Variants in LCOR observed in about 807,000 individuals in gnomAD.
The protein encoded by LCOR is ligand-dependent corepressor.
A neutral mutation model predicts 64.4 loss-of-function variants in LCOR; 14 were observed. The ratio of observed to expected loss-of-function variants is 0.22; its 90% CI spans 0.14 to 0.34. LCOR has a LOEUF of 0.34. Ranked by LOEUF, LCOR falls within the 10% of genes least tolerant of loss-of-function variation. The pLI is 1.00. For synonymous variants in LCOR, 643 were observed against 642.5 expected (o/e 1.00, Z -0.01); for missense variants, 1,686 against 1,765.3 (o/e 0.96, Z 0.80).
intron 2 of LCOR, among the ~76,000 whole-genome samples, chr10:96,900,738 C>T (rs145856008): frequency 4.1e-5 from 6 of 147,396 alleles, no homozygotes; most frequent in African/African-American, 1.6e-4. Flanking sequence ...GTAACCCTTA[C>T]CCCCCAGAGT....
intron 4 of LCOR, among the ~76,000 whole-genome samples, chr10:96,930,774 A>G (rs1847244659): frequency 6.6e-6 from 1 of 152,316 alleles, no homozygotes; most frequent in South Asian, 2.1e-4. Context: ...ATGGAATTAA[A>G]AAAGGGGCTT....
intron 7 of LCOR, among the ~76,000 whole-genome samples, chr10:96,967,525 GT>G (rs2134551611): frequency 6.6e-6 from 1 of 152,196 alleles, no homozygotes; most frequent in Admixed American, 6.5e-5. Flanking sequence ...AGACTGAATG[GT>G]TTTTAGACCT....
chr10:96,859,809 G>T (rs1845859361), intron 2 of LCOR, among the ~76,000 whole-genome samples: 1 of 152,092 alleles, frequency 6.6e-6, no homozygotes, highest in African/African-American at 2.4e-5. Context: ...TCCACTCTTG[G>T]CTTCCGAAAG....
chr10:96,940,334 TATTGATCA>T (rs1564632213), intron 4 of LCOR, among the ~76,000 whole-genome samples: 4 of 110,716 alleles, frequency 3.6e-5, no homozygotes, highest in Non-Finnish European at 6.8e-5. Context: ...TTTTTTTTTT[TATTGATCA>T]TTCTTGGGTG....
chr10:96,888,192 C>T (rs1846376300), intron 2 of LCOR, among the ~76,000 whole-genome samples: 2 of 150,618 alleles, frequency 1.3e-5, no homozygotes, highest in Non-Finnish European at 3.0e-5. Flanking sequence ...TGATGAAACC[C>T]TGTCTCTACT....
At chr10:96,942,661 C>G (rs1467635945) in intron 4 of LCOR, among the ~76,000 whole-genome samples, 1 of 151,974 alleles carries the variant, frequency 6.6e-6, no homozygotes, top group Non-Finnish European at 1.5e-5. Context: ...TTTGGTTGTG[C>G]TTTTAACATA....
At position 96,983,706 on chromosome 10, in the gene LCOR, C is replaced by G. The variant is rs765864807; in HGVS notation, c.3246C>G (p.Pro1082=). The G allele has an allele frequency of 2.5e-6, 4 of 1,613,962 alleles. No homozygotes were observed. Among genetic ancestry groups the G allele is most frequent in the East Asian group, 2.2e-5 (1 of 44,892 alleles). ...ATGGAGCTTCAGAGAGTGGAGACCC[C>G]CTAGATGAGGACGATGTTGACACCG... ...KENGASESGD[P]LDEDDVDTVV... is the part of the protein sequence containing the mutation. Residue 1082 remains proline (P), a synonymous_variant, in exon 8 of 8, where the codon CCC becomes CCG. Coordinates refer to ENST00000421806, the MANE Select transcript of LCOR (RefSeq NM_001346516.2). This position sits in a 1 kb window ranked among gnomAD's most constrained non-coding sequence, Gnocchi z 4.5.
chr10:96,967,803 A>G (rs989062806), intron 7 of LCOR, among the ~76,000 whole-genome samples: 3 of 152,216 alleles, frequency 2.0e-5, no homozygotes, highest in Non-Finnish European at 4.4e-5. Flanking sequence ...ACTTTTGCAA[A>G]TATTAACTTG....
chr10:96,950,586 T>C (rs1847661446), intron 6 of LCOR, among the ~76,000 whole-genome samples: 1 of 152,124 alleles, frequency 6.6e-6, no homozygotes, highest in African/African-American at 2.4e-5. Context: ...TAATTTAACT[T>C]GTTATAACTA....
rs1256054539 is a variant in LCOR, at chr10:96,983,729, C to A, written c.3269C>A (p.Thr1090Asn). ...GDPLDEDDVDTVVDEQPKFME... is the reference protein window; with the variant it reads ...GDPLDEDDVDNVVDEQPKFME... ...CCCCTAGATGAGGACGATGTTGACACCGTGGTAGATGAACAGCCAAAGTTT... is the reference window on the plus strand; with the variant it reads ...CCCCTAGATGAGGACGATGTTGACAACGTGGTAGATGAACAGCCAAAGTTT... Residue 1090 changes from threonine to asparagine, a missense_variant, in exon 8 of 8, where the codon ACC (threonine) becomes AAC (asparagine). Thr to Asn is a moderately conservative substitution (Grantham distance 65). This residue lies in a region of LCOR where 1,293 missense variants were observed against 1,410.4 expected (regional missense o/e 0.92). Transcript: ENST00000421806. This position sits in a 1 kb window ranked among gnomAD's most constrained non-coding sequence, Gnocchi z 4.5. 6.2e-7 allele frequency: 1 copy of A among 1,614,028 alleles called. No individual in the cohort carries two copies. The highest frequency in any genetic ancestry group is 8.5e-7 in the Non-Finnish European group (1 of 1,179,988).
In LCOR at chr10:96,985,089, G is replaced by A; in HGVS notation, c.4629G>A (p.Lys1543=). ...AGAGAAAGCGAAAGCTGAAGGCAAA[G>A]CTGGACTGTTCGCACAGCAAACGGA... ...AAQRKRKLKA[K]LDCSHSKRRR... is the part of the protein sequence containing the mutation. The change falls in exon 8 of 8, where the codon AAG becomes AAA. Residue 1543 remains lysine, a synonymous_variant. Coordinates refer to ENST00000421806, the MANE Select transcript of LCOR (RefSeq NM_001346516.2). The A allele has an allele frequency of 1.9e-6, 3 of 1,610,518 alleles. No homozygotes were observed. The highest frequency in any genetic ancestry group is 1.7e-6 in the Non-Finnish European group (2 of 1,179,154).
chr10:96,927,842 A>G (rs1184835592), intron 4 of LCOR, among the ~76,000 whole-genome samples: 1 of 152,236 alleles, frequency 6.6e-6, no homozygotes, highest in African/African-American at 2.4e-5. Context: ...GACCATCATA[A>G]TAAAGCGAAT....
rs965377315 is a variant in LCOR, at chr10:96,842,803, G to GT, written c.-330+9332dup. Among the ~76,000 whole-genome samples the GT allele has an allele frequency of 1.1e-4, 17 of 150,994 alleles. No homozygotes were observed. In the South Asian group the frequency reaches 1.3e-3, roughly 11 times the overall value. ...ATGCCACCACAGCCCACTAGTTCTT[G>GT]TTTTTTTTGGTAGAGAGGGGTTTTA... On this transcript the variant is annotated intron_variant, in intron 2 of 7. Transcript: ENST00000421806.
At chr10:96,943,718 T>C (rs535299177) in intron 4 of LCOR, among the ~76,000 whole-genome samples, 99 of 151,746 alleles carry the variant, frequency 6.5e-4, no homozygotes, top group Non-Finnish European at 4.6e-4. Flanking sequence ...CAAATGAGAT[T>C]TGGAATTCAA....
chr10:96,965,499 A>G (rs981865999), intron 7 of LCOR, among the ~76,000 whole-genome samples: 1 of 150,492 alleles, frequency 6.6e-6, no homozygotes, highest in South Asian at 2.1e-4. Context: ...CGTCTCTACT[A>G]AAAATACAAA....
At chr10:96,893,202 T>G (rs780338741) in intron 2 of LCOR, among the ~76,000 whole-genome samples, 1 of 152,190 alleles carries the variant, frequency 6.6e-6, no homozygotes, top group African/African-American at 2.4e-5. Context: ...GCTACATAGC[T>G]CTCCCCCCTC....
chr10:96,837,764 A>G (rs538439074), intron 2 of LCOR, among the ~76,000 whole-genome samples: 16 of 152,330 alleles, frequency 1.1e-4, no homozygotes, highest in African/African-American at 3.4e-4. Context: ...AAATGTGGCA[A>G]TTAAAGGTAT....
chr10:96,917,774 A>G (rs1244620892), intron 4 of LCOR, among the ~76,000 whole-genome samples: 1 of 152,206 alleles, frequency 6.6e-6, no homozygotes, highest in East Asian at 1.9e-4. Context: ...TGGAATAAAG[A>G]GTTGTCGAAG....
chr10:96,965,489 C>T (rs1847939331), intron 7 of LCOR, among the ~76,000 whole-genome samples: 2 of 149,994 alleles, frequency 1.3e-5, no homozygotes, highest in South Asian at 2.1e-4. Flanking sequence ...AGTGAAACCC[C>T]GTCTCTACTA....
Sources: allele counts gnomAD v4.1 joint callset (sites outside exome capture counted in the v4.1 genomes callset), GRCh38; gene constraint gnomAD v4.1.1; regional missense constraint gnomAD v4.1.1; non-coding constraint Gnocchi (gnomAD v3.1); transcripts MANE v1.5; gene names NCBI Gene and HGNC (gene_info 2026-07-23, HGNC 2026-07-21).